The following LRIG2 variants were observed in gnomAD, a reference collection of about 807,000 sequenced individuals.
LRIG2 encodes the protein leucine-rich repeats and immunoglobulin-like domains protein 2.
Under a neutral mutation model 107.8 loss-of-function variants are expected in LRIG2, and 93 were observed. That is an observed-to-expected ratio of 0.86 (90% CI 0.73 to 1.03). The LOEUF (loss-of-function observed/expected upper bound fraction) is 1.03, where lower values mean the gene tolerates loss of function less well. LRIG2 is among the 50% of genes least tolerant of loss of function. The pLI, the probability that LRIG2 is intolerant of heterozygous loss-of-function variation, is 0.00. For missense variants in LRIG2, 1,226 were observed against 1,296.0 expected (o/e 0.95, Z 0.83); for synonymous variants, 471 against 470.6 (o/e 1.00, Z -0.01).
intron 1 of LRIG2, among the ~76,000 whole-genome samples, chr1:113,086,642 G>C (rs1183391844): frequency 1.3e-5 from 2 of 152,164 alleles, no homozygotes; most frequent in Admixed American, 6.5e-5. Context: ...TCTTTGAACT[G>C]TTGTGATTGC....
Position 113,114,475 on chromosome 1 carries a change from G to A in LRIG2, c.2129G>A (p.Gly710Asp). 6.2e-7 allele frequency: 1 copy of A among 1,613,676 alleles called. No homozygotes were observed. Among genetic ancestry groups the A allele is most frequent in the South Asian group, 1.1e-5 (1 of 91,062 alleles). Residue 710 changes from glycine (G) to aspartate (D), a missense_variant, in exon 15 of 18, where the codon GGT (glycine) becomes GAT (aspartate). Physicochemically the swap from Gly to Asp is moderately conservative, Grantham distance 94. This residue lies in a region of LRIG2 where 642 missense variants were observed against 712.2 expected (regional missense o/e 0.90). Coordinates refer to ENST00000361127, the MANE Select transcript of LRIG2 (RefSeq NM_014813.3). ...RPLEDKTVTR[G>D]ETAVLQCIAG... ...CTGGAGGATAAGACAGTAACACGAG[G>A]TGAAACTGCGGTGTTACAGTGCATA...
At chr1:113,120,903 C>T (rs1237653930) in intron 17 of LRIG2, among the ~76,000 whole-genome samples, 3 of 151,480 alleles carry the variant, frequency 2.0e-5, no homozygotes, top group Admixed American at 2.0e-4. Flanking sequence ...ACTGCAACCT[C>T]TGCCTCCCAG....
chr1:113,091,324 C>G lies in LRIG2; in HGVS notation c.246C>G (p.Phe82Leu), dbSNP rs1175179219. Residue 82 changes from phenylalanine (F) to leucine (L), a missense_variant, in exon 2 of 18, where the codon TTC (phenylalanine) becomes TTG (leucine). Physicochemically the swap from Phe to Leu is conservative, Grantham distance 22. Transcript: ENST00000361127. Reference protein sequence around the residue: ...LLPPDTAILDFSHNRLSNWNI... With the variant: ...LLPPDTAILDLSHNRLSNWNI... ...ATATTTTGTCCTCTTTCAGGGATTT[C>G]AGTCATAATCGGTTGTCTAACTGGA... 4 of 1,599,798 alleles carry G rather than the reference C, an allele frequency of 2.5e-6. No homozygotes were observed. Among genetic ancestry groups the G allele is most frequent in the Non-Finnish European group, 3.4e-6 (4 of 1,170,120 alleles).
In LRIG2 at chr1:113,132,213, T is replaced by C. The variant is rs762360436; in HGVS notation, c.*8112T>C. On this transcript the variant is annotated 3_prime_UTR_variant, in exon 18 of 18. Transcript: ENST00000361127. ...TTTTATAGAGCATGTGTTTGTCTAC[T>C]TGTTTGTCTACTATAATATGTCTTT... is the stretch of plus-strand genomic sequence containing the variant. The C allele has an allele frequency of 4.6e-5, 7 of 152,232 alleles. No individual in the cohort carries two copies. In the East Asian group the frequency reaches 1.2e-3, roughly 25 times the overall value. 9.4% of individuals were successfully genotyped at this position (152,232 alleles called of 1,614,324 possible).
At chr1:113,085,401 G>A (rs374781133) in intron 1 of LRIG2, among the ~76,000 whole-genome samples, 3 of 152,108 alleles carry the variant, frequency 2.0e-5, no homozygotes, top group Admixed American at 6.5e-5. Context: ...CTCCTGCTTC[G>A]GCCTCCCAAG....
Position 113,094,325 on chromosome 1 carries a change from CTTGT to C in LRIG2, c.516-11_516-8del, listed in dbSNP as rs758263388. 3 of 1,582,446 alleles carry C rather than the reference CTTGT, an allele frequency of 1.9e-6. No homozygotes were observed. The highest frequency in any genetic ancestry group is 2.4e-5 in the South Asian group (2 of 84,422). On this transcript the variant is annotated splice_polypyrimidine_tract_variant and intron_variant, in intron 4 of 17. Coordinates refer to ENST00000361127, the MANE Select transcript of LRIG2 (RefSeq NM_014813.3). ...ACTAAATTTTTTCTTTTGCTATTAT[CTTGT>C]TTATTTTAGGAATTTAAGTAATAAC...
chr1:113,112,961 A>G (rs918885812), intron 14 of LRIG2, among the ~76,000 whole-genome samples: 49 of 152,218 alleles, frequency 3.2e-4, no homozygotes, highest in African/African-American at 1.0e-3. Flanking sequence ...ACATAGGGCA[A>G]AATTAGGTAG....
chr1:113,120,964 A>G (rs1442517580), intron 17 of LRIG2, among the ~76,000 whole-genome samples: 4 of 151,962 alleles, frequency 2.6e-5, no homozygotes, highest in Admixed American at 1.3e-4. Flanking sequence ...GATTACAGGC[A>G]TGTGCAACCA....
intron 2 of LRIG2, among the ~76,000 whole-genome samples, chr1:113,092,677 T>C (rs553558584): frequency 2.6e-5 from 4 of 152,282 alleles, no homozygotes; most frequent in Admixed American, 2.0e-4. Context: ...TTAATATCAA[T>C]AGTAGATCAA....
chr1:113,094,313 T>C (rs755661795), intron 4 of LRIG2, 26 bp from the exon 5 acceptor site: 2 of 1,563,374 alleles, frequency 1.3e-6, no homozygotes, highest in South Asian at 2.4e-5. Flanking sequence ...AAATTTTTTC[T>C]TTTGCTATTA....
chr1:113,114,203 G>A (rs1654896883), intron 14 of LRIG2, among the ~76,000 whole-genome samples: 1 of 151,714 alleles, frequency 6.6e-6, no homozygotes, highest in Admixed American at 6.6e-5. Flanking sequence ...AGCTATTGCA[G>A]CTGCCCTGAA....
At position 113,114,891 on chromosome 1, in the gene LRIG2, C is replaced by T. The variant is rs1226720463; in HGVS notation, c.2530+15C>T. 6.4e-7 allele frequency: 1 copy of T among 1,573,168 alleles called. No homozygotes were observed. The highest frequency in any genetic ancestry group is 8.6e-7 in the Non-Finnish European group (1 of 1,156,610). ...CACAAACACAGGTAAGTAGTACCCA[C>T]ATGACACCTATGGCTTGTACTTCAG... On this transcript the variant is annotated intron_variant, in intron 15 of 17. Transcript: ENST00000361127.
chr1:113,089,907 C>T (rs545186040), intron 1 of LRIG2, among the ~76,000 whole-genome samples: 14 of 151,596 alleles, frequency 9.2e-5, no homozygotes, highest in African/African-American at 3.1e-4. Flanking sequence ...GTTGGCCAGG[C>T]TGGTCTTGAA....
At chr1:113,085,091 T>A (rs1334684679) in intron 1 of LRIG2, among the ~76,000 whole-genome samples, 2 of 152,254 alleles carry the variant, frequency 1.3e-5, no homozygotes, top group Non-Finnish European at 2.9e-5. Context: ...ATTTGTATTC[T>A]CTATCTCTTC....
Position 113,130,695 on chromosome 1 carries a change from C to G in LRIG2, c.*6594C>G, listed in dbSNP as rs1423181986. On this transcript the variant is annotated 3_prime_UTR_variant, in exon 18 of 18. Transcript: ENST00000361127. ...AAATCCCCAGAAGCAATCTGATAGT[C>G]TTAAAACTTTGTCCTTTCTAAGTCC... 1 of 152,164 alleles carries G rather than the reference C, an allele frequency of 6.6e-6. No individual in the cohort carries two copies. The highest frequency in any genetic ancestry group is 2.4e-5 in the African/African-American group (1 of 41,438). 9.4% of individuals were successfully genotyped at this position (152,164 alleles called of 1,614,324 possible).
intron 17 of LRIG2, among the ~76,000 whole-genome samples, chr1:113,121,224 G>A (rs1036625950): frequency 6.6e-6 from 1 of 152,208 alleles, no homozygotes; most frequent in African/African-American, 2.4e-5. Context: ...AAGGTCATAA[G>A]TGAGAACGCA....
At chr1:113,111,472 C>A (rs148262687) in intron 13 of LRIG2, among the ~76,000 whole-genome samples, 1 of 152,128 alleles carries the variant, frequency 6.6e-6, no homozygotes, top group Non-Finnish European at 1.5e-5. Flanking sequence ...TCCCTAGCCC[C>A]CGCTCACCCT....
chr1:113,080,066 G>A (rs1653192332), intron 1 of LRIG2, among the ~76,000 whole-genome samples: 1 of 144,734 alleles, frequency 6.9e-6, no homozygotes, highest in South Asian at 2.2e-4. Flanking sequence ...CTGTCGCCAG[G>A]CTGGAGTGCA....
chr1:113,075,034 A>G (rs573702998), intron 1 of LRIG2, among the ~76,000 whole-genome samples: 9 of 151,754 alleles, frequency 5.9e-5, no homozygotes, highest in Non-Finnish European at 4.4e-5. Context: ...CCTGACCAAC[A>G]TGGAGAAACC....
Sources: gnomAD v4.1 joint callset for allele counts (sites outside exome capture counted in the v4.1 genomes callset) on GRCh38, gnomAD v4.1.1 for gene constraint, gnomAD v4.1.1 regional missense constraint, MANE v1.5 for transcripts, NCBI Gene and HGNC (gene_info 2026-07-23, HGNC 2026-07-21) for gene names.